Variants in ADAMTS2 observed in about 807,000 individuals in gnomAD.
ADAMTS2 encodes ADAM metallopeptidase with thrombospondin type 1 motif 2.
ADAMTS2 carries 50 observed loss-of-function variants against 123.0 expected under a neutral mutation model. That is an observed-to-expected ratio of 0.41 (90% CI 0.32 to 0.51). The LOEUF is 0.51. ADAMTS2 is among the 20% of genes least tolerant of loss of function. ADAMTS2 has a pLI of 0.35. For missense variants in ADAMTS2, 1,494 were observed against 1,705.2 expected (o/e 0.88, Z 2.18); for synonymous variants, 678 against 695.4 (o/e 0.98, Z 0.39).
intron 15 of ADAMTS2, among the ~76,000 whole-genome samples, chr5:179,131,695 G>A (rs1762965882): frequency 2.6e-5 from 4 of 152,298 alleles, no homozygotes; most frequent in Admixed American, 2.0e-4. Flanking sequence ...GCGCTGCTTC[G>A]TGGAAAGGGG....
chr5:179,116,260 A>ACCCCCCCCCCCCCC (rs146306326), intron 21 of ADAMTS2, among the ~76,000 whole-genome samples: 170 of 93,828 alleles, frequency 1.8e-3, no homozygotes, highest in African/African-American at 2.3e-3. Flanking sequence ...TGACCACGGC[A>ACCCCCCCCCCCCCC]CCCCCCCCCC....
Position 179,122,673 on chromosome 5 carries a change from G to C in ADAMTS2, c.3059C>G (p.Ala1020Gly). ...GICQEERPET[A>G]RTCRLGPCPR... Reference sequence around the variant, plus strand: ...ACAGGGGCCAAGCCTGCAGGTCCTCGCTGTCTCAGGACGCTCCTCCTGGCA... The same window carrying C: ...ACAGGGGCCAAGCCTGCAGGTCCTCCCTGTCTCAGGACGCTCCTCCTGGCA... Residue 1020 changes from alanine (A) to glycine (G), a missense_variant, in exon 20 of 22, where the codon GCG becomes GGG. By Grantham distance (60) the Ala-to-Gly change is moderately conservative (BLOSUM62 0). Transcript: ENST00000251582. 1 of 1,551,438 alleles carries C rather than the reference G, an allele frequency of 6.4e-7. No homozygotes were observed. Among genetic ancestry groups the C allele is most frequent in the South Asian group, 1.2e-5 (1 of 84,108 alleles).
intron 17 of ADAMTS2, 71 bp downstream of exon 17, chr5:179,127,888 C>A: frequency 2.5e-6 from 4 of 1,599,212 alleles, no homozygotes; most frequent in African/African-American, 1.3e-5. Context: ...TGGCCCCACC[C>A]CAGGGATGCT....
intron 2 of ADAMTS2, among the ~76,000 whole-genome samples, chr5:179,328,268 G>A (rs1209596646): frequency 2.0e-5 from 3 of 152,222 alleles, no homozygotes; most frequent in Non-Finnish European, 2.9e-5. Flanking sequence ...TCCTGACCTC[G>A]TGATCCACCC....
chr5:179,129,889 G>GC lies in ADAMTS2; in HGVS notation c.2457+42dup. On this transcript the variant is annotated intron_variant, in intron 16 of 21. Coordinates refer to ENST00000251582, the MANE Select transcript of ADAMTS2 (RefSeq NM_014244.5). This position sits in a 1 kb window ranked among gnomAD's most constrained non-coding sequence, Gnocchi z 4.1. Reference sequence around the variant, plus strand: ...AGGCACCCCCATCCCTCCCCCAGTGGCCACCCGCACCCTTCCCTGGGCCCA... The same window carrying GC: ...AGGCACCCCCATCCCTCCCCCAGTGGCCCACCCGCACCCTTCCCTGGGCCCA... 1.2e-6 allele frequency: 2 copies of GC among 1,610,256 alleles called. No homozygotes were observed. Among genetic ancestry groups the GC allele is most frequent in the Non-Finnish European group, 1.7e-6 (2 of 1,178,598 alleles).
Position 179,256,656 on chromosome 5 carries a change from C to T in ADAMTS2, c.688+16255G>A, listed in dbSNP as rs1185417980. Among the ~76,000 whole-genome samples, 2 of 152,084 alleles carry T rather than the reference C, an allele frequency of 1.3e-5. No individual in the cohort carries two copies. The highest frequency in any genetic ancestry group is 2.9e-5 in the Non-Finnish European group (2 of 68,008). ...CCAGCATGAGTGGGGGGGCCAGGCA[C>T]GAATCGGCAGGGAGGGAGGGGTTGT... On this transcript the variant is annotated intron_variant, in intron 3 of 21. Coordinates refer to ENST00000251582, the MANE Select transcript of ADAMTS2 (RefSeq NM_014244.5). The surrounding 1 kb of genome is among the most constrained non-coding windows in gnomAD (Gnocchi z 4.1).
intron 21 of ADAMTS2, among the ~76,000 whole-genome samples, chr5:179,119,407 C>G (rs987668780): frequency 6.6e-6 from 1 of 152,226 alleles, no homozygotes; most frequent in Non-Finnish European, 1.5e-5. Context: ...TCTTCCCTCT[C>G]CCTGGTGGGA....
chr5:179,190,673 G>T (rs1764283634), intron 4 of ADAMTS2, among the ~76,000 whole-genome samples: 2 of 152,200 alleles, frequency 1.3e-5, no homozygotes, highest in Non-Finnish European at 2.9e-5. Context: ...GCCTGGTGGT[G>T]GTCTCTTCAC....
Position 179,198,850 on chromosome 5 carries a change from A to C in ADAMTS2, c.891+8663T>G, listed in dbSNP as rs1186180860. Among the ~76,000 whole-genome samples, 4 of 151,896 alleles carry C rather than the reference A, an allele frequency of 2.6e-5. No individual in the cohort carries two copies. The East Asian group carries it at 7.7e-4, about 29-fold the overall frequency. Reference sequence around the variant, plus strand: ...CTCTATCTCAAGGAAAAAAAAAAAAAAACAAAACTCACTGCAGAGAGCCTC... The same window carrying C: ...CTCTATCTCAAGGAAAAAAAAAAAACAACAAAACTCACTGCAGAGAGCCTC... On this transcript the variant is annotated intron_variant, in intron 4 of 21. Transcript: ENST00000251582.
At chr5:179,150,497 C>A (rs542557739) in intron 10 of ADAMTS2, among the ~76,000 whole-genome samples, 1 of 152,216 alleles carries the variant, frequency 6.6e-6, no homozygotes, top group South Asian at 2.1e-4. Context: ...TGACTCACGA[C>A]GGCCAAAAGG....
Position 179,137,928 on chromosome 5 carries a change from G to T in ADAMTS2, c.1792C>A (p.Arg598Ser), listed in dbSNP as rs374720937. The change falls in exon 12 of 22, where the codon CGC (arginine) becomes AGC (serine). Residue 598 changes from arginine (R) to serine (S), a missense_variant. Physicochemically the swap from Arg to Ser is moderately radical, Grantham distance 110. Transcript: ENST00000251582. ...CDNPHPANGG[R>S]TCSGLAYDFQ... Reference sequence around the variant, plus strand: ...TCGTAGGCAAGGCCCGAGCAGGTGCGGCCCCCGTTGGCCGGGCTGGAGGAG... The same window carrying T: ...TCGTAGGCAAGGCCCGAGCAGGTGCTGCCCCCGTTGGCCGGGCTGGAGGAG... 5.2e-6 allele frequency: 8 copies of T among 1,547,722 alleles called. No homozygotes were observed. Among genetic ancestry groups the T allele is most frequent in the Non-Finnish European group, 7.0e-6 (8 of 1,147,776 alleles).
chr5:179,132,138 G>A lies in ADAMTS2; in HGVS notation c.2290+92C>T, dbSNP rs139218858. 4.0e-4 allele frequency: 516 copies of A among 1,298,194 alleles called. No individual in the cohort carries two copies. Among genetic ancestry groups the A allele is most frequent in the South Asian group, 2.3e-3 (187 of 81,400 alleles). 80.4% of individuals were successfully genotyped at this position (1,298,194 alleles called of 1,614,324 possible). On this transcript the variant is annotated intron_variant, in intron 15 of 21. Transcript: ENST00000251582. This position sits in a 1 kb window ranked among gnomAD's most constrained non-coding sequence, Gnocchi z 6.1. ...GGCTCAGGTCATGGCTGCACAACCC[G>A]GGCCCCTGACCCCTGACCCCTGGCA...
rs559432280 is a variant in ADAMTS2, at chr5:179,162,019, G to A, written c.976-3140C>T. 1.8e-4 allele frequency among the ~76,000 whole-genome samples: 27 copies of A among 152,194 alleles called. No individual in the cohort carries two copies. The highest frequency in any genetic ancestry group is 1.2e-3 in the South Asian group (6 of 4,822). On this transcript the variant is annotated intron_variant, in intron 5 of 21. Transcript: ENST00000251582. This position sits in a 1 kb window ranked among gnomAD's most constrained non-coding sequence, Gnocchi z 5.1. ...CCATCCAGGACACCCAGCACAGCTC[G>A]GTAGCCTTGCTGGGCTCCAGGGAAA...
chr5:179,121,527 C>T, intron 21 of ADAMTS2, 134 bp downstream of exon 21: 4 of 632,528 alleles, frequency 6.3e-6, no homozygotes, highest in South Asian at 3.4e-5. Flanking sequence ...CGGGAGAAAA[C>T]GGTCACCCCA....
chr5:179,320,488 T>TG (rs1757136928), intron 2 of ADAMTS2, among the ~76,000 whole-genome samples: 1 of 151,696 alleles, frequency 6.6e-6, no homozygotes, highest in African/African-American at 2.4e-5. Flanking sequence ...TTTTTTTTTT[T>TG]TTTGTATTTT....
At chr5:179,282,903 G>T (rs988865960) in intron 2 of ADAMTS2, among the ~76,000 whole-genome samples, 6 of 152,116 alleles carry the variant, frequency 3.9e-5, no homozygotes, top group Non-Finnish European at 8.8e-5. Flanking sequence ...GTAAAACCAT[G>T]TCATCTTGAG....
At chr5:179,168,548 C>G (rs1763755338) in intron 5 of ADAMTS2, among the ~76,000 whole-genome samples, 1 of 152,228 alleles carries the variant, frequency 6.6e-6, no homozygotes, top group Non-Finnish European at 1.5e-5. Flanking sequence ...CAGACGGTGC[C>G]TGTCCCAGAA....
chr5:179,210,071 C>T (rs975872127), intron 3 of ADAMTS2, among the ~76,000 whole-genome samples: 3 of 152,220 alleles, frequency 2.0e-5, no homozygotes, highest in African/African-American at 7.2e-5. Flanking sequence ...AAATCTAGAA[C>T]ATCCAGCTTC....
chr5:179,245,765 C>CAAAAAAAAAAAAAA (rs1171837041), intron 3 of ADAMTS2, among the ~76,000 whole-genome samples: 8 of 17,206 alleles, frequency 4.6e-4, no homozygotes, highest in African/African-American at 1.4e-3. Context: ...GACTCCGTCT[C>CAAAAAAAAAAAAAA]AAAAAAAAAA....
Sources: gnomAD v4.1 joint callset for allele counts (sites outside exome capture counted in the v4.1 genomes callset) on GRCh38, gnomAD v4.1.1 for gene constraint, Gnocchi (gnomAD v3.1) non-coding constraint, MANE v1.5 for transcripts, NCBI Gene and HGNC (gene_info 2026-07-23, HGNC 2026-07-21) for gene names.